Variants in PHTF2 observed in about 807,000 individuals in gnomAD.
PHTF2 encodes the protein protein PHTF2.
In PHTF2, 60 loss-of-function variants were observed where a neutral mutation model predicts 101.2. The ratio of observed to expected loss-of-function variants is 0.59; its 90% CI spans 0.48 to 0.73. PHTF2 has a LOEUF of 0.73. PHTF2 is among the 30% of genes least tolerant of loss of function. PHTF2 has a pLI of 0.00. For synonymous variants in PHTF2, 311 were observed against 307.3 expected, an observed-to-expected ratio of 1.01 and a Z score of -0.13; for missense variants, 747 against 908.7, an observed-to-expected ratio of 0.82 and a Z score of 2.29.
At chr7:77,895,277 A>G in intron 5 of PHTF2, 1 of 361,582 alleles carries the variant, frequency 2.8e-6, no homozygotes, top group Non-Finnish European at 5.4e-6. Flanking sequence ...TTTCTGTTGA[A>G]TGATGAAATA....
intron 10 of PHTF2, among the ~76,000 whole-genome samples, chr7:77,920,694 T>G (rs1011462521): frequency 3.6e-4 from 55 of 152,248 alleles, no homozygotes; most frequent in African/African-American, 1.2e-3. Context: ...CCAAAATGCT[T>G]TTTTTGAGAC....
At chr7:77,829,338 G>T (rs1794913932) in intron 1 of PHTF2, among the ~76,000 whole-genome samples, 1 of 152,054 alleles carries the variant, frequency 6.6e-6, no homozygotes, top group Admixed American at 6.6e-5. Flanking sequence ...ACTATGCATT[G>T]GTTCCATTAA....
At chr7:77,939,379 G>A (rs1282939155) in intron 13 of PHTF2, among the ~76,000 whole-genome samples, 4 of 152,044 alleles carry the variant, frequency 2.6e-5, no homozygotes, top group Non-Finnish European at 5.9e-5. Flanking sequence ...CTAGAGGAGG[G>A]ATGATCGCTT....
chr7:77,801,175 G>T (rs1219068176), intron 1 of PHTF2, among the ~76,000 whole-genome samples: 30 of 152,200 alleles, frequency 2.0e-4, no homozygotes, highest in Non-Finnish European at 2.9e-5. Flanking sequence ...TTGAACAAAT[G>T]ACGATAATAC....
chr7:77,952,126 A>G (rs1189140510), intron 18 of PHTF2, among the ~76,000 whole-genome samples: 1 of 152,120 alleles, frequency 6.6e-6, no homozygotes, highest in African/African-American at 2.4e-5. Context: ...AATATGTGTC[A>G]TAAATAAACA....
chr7:77,850,641 C>CAAAA (rs545263519), intron 2 of PHTF2, among the ~76,000 whole-genome samples: 1 of 52,770 alleles, frequency 1.9e-5, no homozygotes, highest in African/African-American at 6.4e-5. Flanking sequence ...GACCCTGTCT[C>CAAAA]AAAAAAAAAA....
At chr7:77,914,832 G>A (rs541725394) in intron 9 of PHTF2, among the ~76,000 whole-genome samples, 18 of 152,154 alleles carry the variant, frequency 1.2e-4, no homozygotes, top group African/African-American at 3.9e-4. Flanking sequence ...GAGTTATATC[G>A]GATCCACATT....
chr7:77,953,646 C>A, intron 18 of PHTF2, 123 bp from the exon 18 acceptor site: 1 of 720,866 alleles, frequency 1.4e-6, no homozygotes, highest in Non-Finnish European at 2.2e-6. Context: ...TTTATCCTTT[C>A]TAAAAGCATC....
At chr7:77,878,892 G>T (rs565162342) in intron 3 of PHTF2, among the ~76,000 whole-genome samples, 4 of 152,094 alleles carry the variant, frequency 2.6e-5, no homozygotes, top group Non-Finnish European at 5.9e-5. Context: ...GGTTATTGAG[G>T]GACCCCTGAA....
At chr7:77,911,910 A>T (rs1295027076) in intron 9 of PHTF2, among the ~76,000 whole-genome samples, 8 of 152,174 alleles carry the variant, frequency 5.3e-5, no homozygotes, top group African/African-American at 1.9e-4. Context: ...CTCCTTTCTA[A>T]CTTTGGCATG....
intron 1 of PHTF2, among the ~76,000 whole-genome samples, chr7:77,834,970 T>G (rs1238871486): frequency 6.6e-6 from 1 of 152,174 alleles, no homozygotes; most frequent in African/African-American, 2.4e-5. Flanking sequence ...GCTTCAGCAT[T>G]TTTTAGTCCA....
At position 77,930,482 on chromosome 7, in the gene PHTF2, T is replaced by G. The variant is rs368646457; in HGVS notation, c.1338+1155T>G. Among the ~76,000 whole-genome samples the G allele has an allele frequency of 2.1e-3, 319 of 150,910 alleles. 4 individuals are homozygous for G. The highest frequency in any genetic ancestry group is 7.5e-3 in the African/African-American group (308 of 41,048). Reference sequence around the variant, plus strand: ...TTGGTGGTCATTTAAAATTCCCCTCTTCTTCACCTTCTCTCTCTTATCCAA... The same window carrying G: ...TTGGTGGTCATTTAAAATTCCCCTCGTCTTCACCTTCTCTCTCTTATCCAA... On this transcript the variant is annotated intron_variant, in intron 12 of 19. Transcript: ENST00000416283.
chr7:77,908,934 T>C (rs764129651), exon 8 of PHTF2: 16 of 1,610,704 alleles, frequency 9.9e-6, no homozygotes, highest in Non-Finnish European at 1.4e-5. Flanking sequence ...AAACCTCCTC[T>C]AAGTACAGGG....
intron 3 of PHTF2, among the ~76,000 whole-genome samples, chr7:77,885,326 G>T (rs1584592149): frequency 6.6e-6 from 1 of 152,086 alleles, no homozygotes; most frequent in Non-Finnish European, 1.5e-5. Context: ...TGAACTCCTG[G>T]TCTCAAGTGA....
At chr7:77,817,294 G>C (rs1288188816) in intron 1 of PHTF2, among the ~76,000 whole-genome samples, 1 of 152,030 alleles carries the variant, frequency 6.6e-6, no homozygotes, top group African/African-American at 2.4e-5. Context: ...TTATGGTTTT[G>C]ATTTGCATTT....
At chr7:77,817,152 C>T (rs1282639005) in intron 1 of PHTF2, among the ~76,000 whole-genome samples, 2 of 152,210 alleles carry the variant, frequency 1.3e-5, no homozygotes, top group African/African-American at 4.8e-5. Flanking sequence ...ATGCTCTTCT[C>T]CATAGTAGCT....
At chr7:77,831,058 A>G (rs1275130406) in intron 1 of PHTF2, among the ~76,000 whole-genome samples, 1 of 152,230 alleles carries the variant, frequency 6.6e-6, no homozygotes, top group Non-Finnish European at 1.5e-5. Context: ...AGAAAACACC[A>G]AGAGTCCCAC....
intron 1 of PHTF2, among the ~76,000 whole-genome samples, chr7:77,816,087 T>G (rs188939413): frequency 6.6e-6 from 1 of 152,146 alleles, no homozygotes; most frequent in African/African-American, 2.4e-5. Context: ...TTTTTTTTTT[T>G]CTTTGAGACA....
At chr7:77,864,767 C>A (rs1312344804) in intron 3 of PHTF2, among the ~76,000 whole-genome samples, 1 of 151,840 alleles carries the variant, frequency 6.6e-6, no homozygotes, top group Non-Finnish European at 1.5e-5. Context: ...CTTTTTGTGG[C>A]AGTGGTATAG....
Sources: gnomAD v4.1 joint callset for allele counts (sites outside exome capture counted in the v4.1 genomes callset) on GRCh38, gnomAD v4.1.1 for gene constraint, MANE v1.5 for transcripts, NCBI Gene and HGNC (gene_info 2026-07-23, HGNC 2026-07-21) for gene names.